Variants in DOCK4 observed in about 807,000 individuals in gnomAD.
DOCK4 encodes the protein dedicator of cytokinesis protein 4.
DOCK4 carries 97 observed loss-of-function variants against 268.1 expected under a neutral mutation model. That is an observed-to-expected ratio of 0.36 (90% CI 0.31 to 0.43). The LOEUF is 0.43. Ranked by LOEUF, DOCK4 falls within the 20% of genes least tolerant of loss-of-function variation. DOCK4 has a pLI of 1.00. For synonymous variants in DOCK4, 954 were observed against 887.2 expected (o/e 1.08, Z -1.34); for missense variants, 2,145 against 2,455.7 (o/e 0.87, Z 2.67).
chr7:112,019,683 C>T (rs78426440), intron 1 of DOCK4, among the ~76,000 whole-genome samples: 3,180 of 152,220 alleles, frequency 0.021, 111 homozygotes, highest in African/African-American at 0.071. Flanking sequence ...GCTGTCTTTC[C>T]TATCTTTACC....
At chr7:111,877,237 GAATT>G in intron 16 of DOCK4, 51 bp from the exon 17 acceptor site, 1 of 1,264,592 alleles carries the variant, frequency 7.9e-7, no homozygotes, top group Non-Finnish European at 1.0e-6. Flanking sequence ...GATCTCATAA[GAATT>G]ATTAAGCATA....
intron 16 of DOCK4, among the ~76,000 whole-genome samples, chr7:111,881,618 G>C (rs972235658): frequency 6.6e-6 from 1 of 152,176 alleles, no homozygotes; most frequent in African/African-American, 2.4e-5. Context: ...AGAGACATCT[G>C]CACTTCCATG....
At chr7:111,948,786 G>C (rs1035253455) in intron 8 of DOCK4, among the ~76,000 whole-genome samples, 2 of 151,702 alleles carry the variant, frequency 1.3e-5, no homozygotes, top group African/African-American at 4.8e-5. Flanking sequence ...GTAGAGACAG[G>C]GTTTCACCAT....
intron 1 of DOCK4, among the ~76,000 whole-genome samples, chr7:112,025,015 A>G (rs1332875922): frequency 6.6e-6 from 1 of 151,718 alleles, no homozygotes; most frequent in South Asian, 2.1e-4. Flanking sequence ...CAAGTTAAGA[A>G]AGTTAGTTTG....
intron 12 of DOCK4, among the ~76,000 whole-genome samples, chr7:111,926,358 G>A (rs1462002810): frequency 6.2e-5 from 9 of 145,864 alleles, no homozygotes; most frequent in Non-Finnish European, 1.2e-4. Context: ...TTGAACCCGG[G>A]AGGCGGAGGT....
At chr7:112,019,869 G>T (rs1185676890) in intron 1 of DOCK4, among the ~76,000 whole-genome samples, 1 of 152,114 alleles carries the variant, frequency 6.6e-6, no homozygotes, top group East Asian at 1.9e-4. Flanking sequence ...AAAAAATTCT[G>T]CATTTTGCTG....
chr7:111,808,650 T>G (rs543348559), intron 30 of DOCK4, 171 bp downstream of exon 30: 1 of 575,092 alleles, frequency 1.7e-6, no homozygotes. Flanking sequence ...TTTAAAGAAT[T>G]TGTTGTAACC....
intron 30 of DOCK4, among the ~76,000 whole-genome samples, chr7:111,799,123 G>A (rs773098205): frequency 2.1e-4 from 32 of 152,130 alleles, no homozygotes; most frequent in Non-Finnish European, 3.7e-4. Context: ...TTAAACTTCA[G>A]TATTCCCTAC....
intron 1 of DOCK4, among the ~76,000 whole-genome samples, chr7:112,009,968 C>A (rs887410580): frequency 6.6e-6 from 1 of 152,080 alleles, no homozygotes; most frequent in Non-Finnish European, 1.5e-5. Flanking sequence ...AAGCGTTCGC[C>A]ACCACACCTG....
intron 1 of DOCK4, among the ~76,000 whole-genome samples, chr7:112,181,255 C>A (rs113531723): frequency 6.6e-6 from 1 of 152,236 alleles, no homozygotes; most frequent in African/African-American, 2.4e-5. Context: ...AGAAATTCCA[C>A]ACTGAAGTCC....
At chr7:111,866,419 C>T (rs749192835) in intron 22 of DOCK4, among the ~76,000 whole-genome samples, 2 of 152,172 alleles carry the variant, frequency 1.3e-5, no homozygotes, top group African/African-American at 4.8e-5. Flanking sequence ...GTAGAGTTTA[C>T]AAAGATATTC....
At chr7:111,909,990 AC>A (rs1370839266) in intron 13 of DOCK4, among the ~76,000 whole-genome samples, 4 of 151,796 alleles carry the variant, frequency 2.6e-5, no homozygotes, top group Admixed American at 6.6e-5. Flanking sequence ...AAAAAAAAAA[AC>A]GTTTTAGGGC....
rs1224844738 is a variant in DOCK4 at position 112,012,670 on chromosome 7, GA to G, written c.38-8540del. On this transcript the variant is annotated intron_variant, in intron 1 of 52. Coordinates refer to ENST00000428084, the MANE Select transcript of DOCK4 (RefSeq NM_001363540.2). The stretch of plus-strand genomic sequence containing the variant: ...CCACCAATATTTGGAAAAAATAAAT[GA>G]AAAAAAACCTCCTTTTTCCAATGAG... Among the ~76,000 whole-genome samples the G allele has an allele frequency of 2.6e-5, 4 of 151,250 alleles. No individual in the cohort carries two copies. The South Asian group carries it at 8.4e-4, about 32-fold the overall frequency.
At chr7:111,941,409 A>T (rs1314517079) in intron 10 of DOCK4, among the ~76,000 whole-genome samples, 1 of 152,210 alleles carries the variant, frequency 6.6e-6, no homozygotes, top group Non-Finnish European at 1.5e-5. Context: ...AACAAATTTA[A>T]AACTTTGGTC....
chr7:111,767,470 CCG>C (rs1368873571), intron 37 of DOCK4, among the ~76,000 whole-genome samples: 1 of 152,002 alleles, frequency 6.6e-6, no homozygotes, highest in African/African-American at 2.4e-5. Flanking sequence ...CATGATCCAC[CCG>C]CCTCGGCCTC....
chr7:111,850,806 C>T (rs1285515675), intron 23 of DOCK4, among the ~76,000 whole-genome samples: 3 of 152,022 alleles, frequency 2.0e-5, no homozygotes, highest in Non-Finnish European at 2.9e-5. Context: ...CATAAAACTG[C>T]CCCACCCATC....
At chr7:111,940,082 C>T in intron 11 of DOCK4, 28 bp downstream of exon 11, 4 of 1,613,326 alleles carry the variant, frequency 2.5e-6, no homozygotes, top group Non-Finnish European at 3.4e-6. Flanking sequence ...GTGCCTACCC[C>T]AGCCATCACC....
intron 8 of DOCK4, among the ~76,000 whole-genome samples, chr7:111,950,355 T>A (rs556543549): frequency 6.6e-6 from 1 of 152,240 alleles, no homozygotes; most frequent in African/African-American, 2.4e-5. Flanking sequence ...GTGGTAAGTA[T>A]GATCAGATGA....
At chr7:112,158,460 C>A (rs1816811675) in intron 1 of DOCK4, among the ~76,000 whole-genome samples, 2 of 152,074 alleles carry the variant, frequency 1.3e-5, no homozygotes, top group South Asian at 4.1e-4. Context: ...TAAAATAGTC[C>A]TTGGAATTCC....
Sources: allele counts gnomAD v4.1 joint callset (sites outside exome capture counted in the v4.1 genomes callset), GRCh38; gene constraint gnomAD v4.1.1; transcripts MANE v1.5; gene names NCBI Gene and HGNC (gene_info 2026-07-23, HGNC 2026-07-21).